HPSE2: variants seen among roughly 807,000 people sequenced by gnomAD.
HPSE2 encodes the protein inactive heparanase-2.
Under a neutral mutation model 60.5 loss-of-function variants are expected in HPSE2, and 38 were observed. The ratio of observed to expected loss-of-function variants is 0.63; its 90% CI spans 0.48 to 0.82. The LOEUF is 0.82. HPSE2 is among the 40% of genes least tolerant of loss of function. The pLI is 0.00. For missense variants in HPSE2, 713 were observed against 740.4 expected, an observed-to-expected ratio of 0.96 and a Z score of 0.43; for synonymous variants, 295 against 293.2, an observed-to-expected ratio of 1.01 and a Z score of -0.06.
intron 3 of HPSE2, among the ~76,000 whole-genome samples, chr10:99,021,945 G>A (rs1957272809): frequency 6.6e-6 from 1 of 151,662 alleles, no homozygotes; most frequent in Non-Finnish European, 1.5e-5. Flanking sequence ...ACAACATGCA[G>A]GTTTGTTACA....
intron 3 of HPSE2, among the ~76,000 whole-genome samples, chr10:98,908,022 A>G (rs1418837049): frequency 1.3e-5 from 2 of 152,208 alleles, no homozygotes; most frequent in African/African-American, 2.4e-5. Context: ...CAAGAGATGC[A>G]AAACATACCC....
intron 5 of HPSE2, among the ~76,000 whole-genome samples, chr10:98,708,470 A>T (rs1016952438): frequency 1.3e-5 from 2 of 152,126 alleles, no homozygotes; most frequent in Non-Finnish European, 2.9e-5. Context: ...AAAAAAAAAA[A>T]AATTCAATCC....
intron 3 of HPSE2, among the ~76,000 whole-genome samples, chr10:98,991,431 T>G (rs1178292952): frequency 2.0e-5 from 3 of 152,134 alleles, no homozygotes; most frequent in African/African-American, 7.2e-5. Flanking sequence ...ATGCTCTGTA[T>G]TTTAAGGAAG....
chr10:98,850,089 A>AT (rs1280248598), intron 3 of HPSE2, among the ~76,000 whole-genome samples: 3 of 152,198 alleles, frequency 2.0e-5, no homozygotes, highest in African/African-American at 7.2e-5. Context: ...ATTCAAAAAT[A>AT]TTTATTCTTA....
chr10:98,917,339 G>A (rs765329509), intron 3 of HPSE2, among the ~76,000 whole-genome samples: 9 of 152,122 alleles, frequency 5.9e-5, no homozygotes, highest in African/African-American at 2.2e-4. Context: ...ATTGTATTTT[G>A]TATGCCATCA....
At chr10:98,828,801 T>C (rs1002947084) in intron 3 of HPSE2, among the ~76,000 whole-genome samples, 3 of 152,156 alleles carry the variant, frequency 2.0e-5, no homozygotes, top group African/African-American at 7.2e-5. Context: ...ATAGTAGTCC[T>C]TCAAAAAATT....
At chr10:98,737,306 T>C (rs962530373) in intron 4 of HPSE2, among the ~76,000 whole-genome samples, 1 of 95,624 alleles carries the variant, frequency 1.0e-5, no homozygotes, top group African/African-American at 3.5e-5. Flanking sequence ...TGCAATTCCC[T>C]GGCAAGATGG....
intron 3 of HPSE2, among the ~76,000 whole-genome samples, chr10:99,116,612 G>A (rs866730193): frequency 1.3e-5 from 2 of 152,068 alleles, no homozygotes; most frequent in Non-Finnish European, 2.9e-5. Context: ...TCCCTACTCC[G>A]AACCTGCCAA....
chr10:99,157,846 C>T (rs1846642153), intron 2 of HPSE2, among the ~76,000 whole-genome samples: 1 of 119,480 alleles, frequency 8.4e-6, no homozygotes, highest in African/African-American at 2.7e-5. Flanking sequence ...TTTTCGCAAC[C>T]TACTCATCTG....
intron 1 of HPSE2, among the ~76,000 whole-genome samples, chr10:99,233,917 ACTT>A (rs1364409437): frequency 1.3e-5 from 2 of 152,202 alleles, no homozygotes; most frequent in African/African-American, 4.8e-5. Context: ...CCCCGCCAGG[ACTT>A]CTTCCCCGAA....
chr10:99,118,753 A>G (rs1589685899), intron 3 of HPSE2, among the ~76,000 whole-genome samples: 1 of 152,106 alleles, frequency 6.6e-6, no homozygotes, highest in African/African-American at 2.4e-5. Context: ...GTGGTGGCTC[A>G]CGCCTGTAAT....
At chr10:99,132,221 G>GAA (rs1235567250) in intron 3 of HPSE2, among the ~76,000 whole-genome samples, 8 of 19,332 alleles carry the variant, frequency 4.1e-4, no homozygotes, top group Non-Finnish European at 7.2e-4. Context: ...GAGAGAGAGA[G>GAA]AGAGAGAGAG....
intron 3 of HPSE2, among the ~76,000 whole-genome samples, chr10:99,024,318 A>T (rs1354662824): frequency 6.6e-6 from 1 of 152,164 alleles, no homozygotes; most frequent in Non-Finnish European, 1.5e-5. Flanking sequence ...AATAAAAAAC[A>T]ATGAAGCACA....
At chr10:99,061,458 G>A (rs2135524427) in intron 3 of HPSE2, among the ~76,000 whole-genome samples, 1 of 152,292 alleles carries the variant, frequency 6.6e-6, no homozygotes, top group African/African-American at 2.4e-5. Context: ...TTTTTTATCA[G>A]TATAGCAGGA....
intron 3 of HPSE2, among the ~76,000 whole-genome samples, chr10:99,042,248 G>C (rs551856245): frequency 2.0e-4 from 31 of 152,208 alleles, no homozygotes; most frequent in African/African-American, 7.2e-4. Context: ...GAAGAGGCCA[G>C]ACTGTGTTCC....
At chr10:98,614,600 T>C (rs1460790567) in intron 9 of HPSE2, among the ~76,000 whole-genome samples, 1 of 152,060 alleles carries the variant, frequency 6.6e-6, no homozygotes, top group Non-Finnish European at 1.5e-5. Context: ...CCTGGATTGT[T>C]AAAACAATAG....
At chr10:99,052,231 TAAAA>T (rs888198404) in intron 3 of HPSE2, among the ~76,000 whole-genome samples, 22 of 150,920 alleles carry the variant, frequency 1.5e-4, no homozygotes, top group Non-Finnish European at 5.9e-5. Flanking sequence ...AAAAAGATTA[TAAAA>T]AATAACCAAG....
chr10:98,805,572 AAAAT>A (rs1951023488), intron 3 of HPSE2, among the ~76,000 whole-genome samples: 1 of 152,194 alleles, frequency 6.6e-6, no homozygotes, highest in South Asian at 2.1e-4. Flanking sequence ...AAAGATTAAA[AAAAT>A]AAAGAGATGG....
intron 9 of HPSE2, among the ~76,000 whole-genome samples, chr10:98,548,877 T>C (rs1297376038): frequency 6.6e-6 from 1 of 152,138 alleles, no homozygotes. Flanking sequence ...GGTAAGAGGA[T>C]CAGTCTTTCA....
Sources: allele counts gnomAD v4.1 joint callset (sites outside exome capture counted in the v4.1 genomes callset), GRCh38; gene constraint gnomAD v4.1.1; transcripts MANE v1.5; gene names NCBI Gene and HGNC (gene_info 2026-07-23, HGNC 2026-07-21).